The following CDIN1 variants were observed in gnomAD, a reference collection of about 807,000 sequenced individuals.
CDIN1 encodes CDAN1 interacting nuclease 1.
Under a neutral mutation model 45.3 loss-of-function variants are expected in CDIN1, and 33 were observed. That is an observed-to-expected ratio of 0.73 (90% CI 0.55 to 0.97). The LOEUF (loss-of-function observed/expected upper bound fraction) is 0.97. Ranked by LOEUF, CDIN1 falls within the 50% of genes least tolerant of loss-of-function variation. The pLI is 0.00. For synonymous variants in CDIN1, 118 were observed against 124.4 expected, an observed-to-expected ratio of 0.95 and a Z score of 0.34; for missense variants, 303 against 339.4, an observed-to-expected ratio of 0.89 and a Z score of 0.84.
chr15:36,580,637 A>G lies in CDIN1; in HGVS notation c.101+676A>G, dbSNP rs1346381387. ...GATTTTAGAATTATCCAACTTTCTA[A>G]GAAAGGACTTTGGGAATTATGTAGA... On this transcript the variant is annotated intron_variant, in intron 1 of 10. Transcript: ENST00000566621. Among the ~76,000 whole-genome samples the G allele has an allele frequency of 1.3e-5, 2 of 152,230 alleles. 1 individual carries two copies. The highest frequency in any genetic ancestry group is 6.3e-3 in the Middle Eastern group (2 of 316).
intron 8 of CDIN1, chr15:36,705,994 A>C (rs1386835095): frequency 6.6e-6 from 1 of 152,124 alleles, no homozygotes; most frequent in Admixed American, 6.6e-5. Flanking sequence ...CTTGAAGAAA[A>C]CATCTTATAT....
At chr15:36,604,375 A>C (rs887653171) in intron 1 of CDIN1, among the ~76,000 whole-genome samples, 7 of 150,336 alleles carry the variant, frequency 4.7e-5, no homozygotes, top group African/African-American at 1.7e-4. Flanking sequence ...CAAACCCAAA[A>C]AAATTATCAA....
At chr15:36,586,261 T>C (rs891900651) in intron 1 of CDIN1, among the ~76,000 whole-genome samples, 14 of 151,624 alleles carry the variant, frequency 9.2e-5, no homozygotes, top group Middle Eastern at 3.4e-3. Context: ...ATAAATACCT[T>C]GTGGGGATAT....
chr15:36,806,385 T>C (rs2055226332), intron 10 of CDIN1, among the ~76,000 whole-genome samples: 1 of 149,448 alleles, frequency 6.7e-6, no homozygotes, highest in Non-Finnish European at 1.5e-5. Context: ...TGATATGTGT[T>C]TTTGTTTATT....
intron 10 of CDIN1, chr15:36,799,125 T>G (rs2054920826): frequency 6.6e-6 from 1 of 152,224 alleles, no homozygotes; most frequent in South Asian, 2.1e-4. Context: ...CCAATTTTGT[T>G]AAAACAAACA....
chr15:36,605,438 T>C (rs542772536), intron 1 of CDIN1, among the ~76,000 whole-genome samples: 3 of 152,290 alleles, frequency 2.0e-5, no homozygotes, highest in Non-Finnish European at 4.4e-5. Context: ...GTTAGTTCTG[T>C]TAAATAGCAA....
intron 10 of CDIN1, among the ~76,000 whole-genome samples, chr15:36,764,663 C>A (rs1329571960): frequency 6.6e-6 from 1 of 152,122 alleles, no homozygotes; most frequent in Non-Finnish European, 1.5e-5. Flanking sequence ...TGCAGCTGTC[C>A]CCTAATATCT....
chr15:36,745,777 C>T (rs1261189103), intron 10 of CDIN1, among the ~76,000 whole-genome samples: 1 of 151,990 alleles, frequency 6.6e-6, no homozygotes, highest in Non-Finnish European at 1.5e-5. Context: ...ACCGGCCTGG[C>T]CAACATGGTG....
chr15:36,611,243 T>C (rs2038636058), intron 1 of CDIN1, among the ~76,000 whole-genome samples: 1 of 152,220 alleles, frequency 6.6e-6, no homozygotes, highest in South Asian at 2.1e-4. Flanking sequence ...GGGAGTCCTT[T>C]AGTTCTGAGA....
intron 5 of CDIN1, among the ~76,000 whole-genome samples, chr15:36,678,546 A>G (rs2041732302): frequency 6.6e-6 from 1 of 152,102 alleles, no homozygotes; most frequent in African/African-American, 2.4e-5. Flanking sequence ...GTGTGTTTTA[A>G]GTGGGGAGAG....
intron 1 of CDIN1, chr15:36,641,556 A>C (rs1165967734): frequency 6.6e-6 from 1 of 152,248 alleles, no homozygotes; most frequent in African/African-American, 2.4e-5. Context: ...ATGGGGTTTT[A>C]ATACTACATC....
In CDIN1 at chr15:36,727,291, A is replaced by G. The variant is rs1050132632; in HGVS notation, c.716+17330A>G. Among the ~76,000 whole-genome samples the G allele has an allele frequency of 6.6e-5, 10 of 151,928 alleles. No individual in the cohort carries two copies. In the East Asian group the frequency reaches 9.7e-4, roughly 15 times the overall value. ...TGTATCTGCCAAATTTAAGTTAATT[A>G]GAAATGTAGACGCTGTTTATCTGTC... On this transcript the variant is annotated intron_variant, in intron 10 of 10. Coordinates refer to ENST00000566621, the MANE Select transcript of CDIN1 (RefSeq NM_001321759.2).
intron 10 of CDIN1, among the ~76,000 whole-genome samples, chr15:36,714,913 G>A (rs1310736447): frequency 6.6e-6 from 1 of 152,136 alleles, no homozygotes; most frequent in Non-Finnish European, 1.5e-5. Context: ...CTGGTTGAGG[G>A]AACAGGTGTC....
At chr15:36,690,766 C>G (rs1380300598) in intron 5 of CDIN1, among the ~76,000 whole-genome samples, 1 of 152,008 alleles carries the variant, frequency 6.6e-6, no homozygotes, top group African/African-American at 2.4e-5. Flanking sequence ...GTGAATAATT[C>G]CACTGGAGGC....
intron 10 of CDIN1, among the ~76,000 whole-genome samples, chr15:36,801,123 T>C (rs1427828254): frequency 6.6e-6 from 1 of 150,822 alleles, no homozygotes. Context: ...CAATTGAGAA[T>C]TGTTTGTTTC....
intron 4 of CDIN1, 68 bp from the exon 5 acceptor site, chr15:36,657,765 C>A (rs1595432735): frequency 7.9e-7 from 1 of 1,260,794 alleles, no homozygotes; most frequent in Non-Finnish European, 1.1e-6. Flanking sequence ...TCAGTGTTGA[C>A]AAAATACTGG....
chr15:36,777,329 A>C (rs1355910478), intron 10 of CDIN1, among the ~76,000 whole-genome samples: 1 of 152,036 alleles, frequency 6.6e-6, no homozygotes, highest in African/African-American at 2.4e-5. Flanking sequence ...ACACCCTACC[A>C]AACTCACTTG....
At chr15:36,806,185 G>C (rs752339179) in intron 10 of CDIN1, among the ~76,000 whole-genome samples, 6 of 152,116 alleles carry the variant, frequency 3.9e-5, no homozygotes, top group Admixed American at 2.6e-4. Flanking sequence ...AAACCTTTTT[G>C]AGTTGCAGGA....
chr15:36,752,915 T>C (rs766248258), intron 10 of CDIN1, among the ~76,000 whole-genome samples: 16 of 152,192 alleles, frequency 1.1e-4, no homozygotes, highest in Non-Finnish European at 1.8e-4. Context: ...AATTGTGAGA[T>C]TGATGGGCAT....
Sources: allele counts gnomAD v4.1 joint callset (sites outside exome capture counted in the v4.1 genomes callset), GRCh38; gene constraint gnomAD v4.1.1; transcripts MANE v1.5; gene names NCBI Gene and HGNC (gene_info 2026-07-23, HGNC 2026-07-21).